Variants in SH3GL2 observed in about 807,000 individuals in gnomAD.
The protein encoded by SH3GL2 is SH3 domain containing GRB2 like 2, endophilin A1.
In SH3GL2, 24 loss-of-function variants were observed where a neutral mutation model predicts 46.0. The observed-to-expected ratio is 0.52, with a 90% confidence interval of 0.38 to 0.73. SH3GL2 has a LOEUF of 0.73. SH3GL2 is among the 30% of genes least tolerant of loss of function. The pLI is 0.00. For synonymous variants in SH3GL2, 196 were observed against 147.1 expected (o/e 1.33, Z -2.40); for missense variants, 413 against 424.2 (o/e 0.97, Z 0.23).
intron 1 of SH3GL2, among the ~76,000 whole-genome samples, chr9:17,696,304 G>C (rs1056112879): frequency 2.6e-5 from 4 of 152,000 alleles, no homozygotes; most frequent in African/African-American, 9.7e-5. Context: ...TTATGTTTGT[G>C]CCTTGAAGCT....
chr9:17,671,633 T>TA (rs371235153), intron 1 of SH3GL2, among the ~76,000 whole-genome samples: 1 of 151,724 alleles, frequency 6.6e-6, no homozygotes, highest in African/African-American at 2.4e-5. Context: ...CCTACAAAAC[T>TA]AAAAAAAATT....
rs371526182 is a variant in SH3GL2 at position 17,746,554 on chromosome 9, A to G, written c.46-512A>G. On this transcript the variant is annotated intron_variant, in intron 1 of 8. Coordinates refer to ENST00000380607, the MANE Select transcript of SH3GL2 (RefSeq NM_003026.5). ...TGTAGACAGCTTTATGAGACAGACT[A>G]TACTATACAAGTACTTTTGTCTGAA... 1.7e-4 allele frequency among the ~76,000 whole-genome samples: 26 copies of G among 152,346 alleles called. No individual in the cohort carries two copies. The East Asian group carries it at 5.0e-3, about 29-fold the overall frequency.
rs116805089 is a variant in SH3GL2, at chr9:17,623,220, G to C, written c.45+43933G>C. Among the ~76,000 whole-genome samples the C allele has an allele frequency of 1.1e-3, 165 of 152,128 alleles. 1 individual carries two copies. The highest frequency in any genetic ancestry group is 3.5e-3 in the African/African-American group (145 of 41,466). ...AGTGGTTAAGGGTGAGGGATGAGAA[G>C]TTAGTCTCTGGTGTCTAAGGTCCCT... On this transcript the variant is annotated intron_variant, in intron 1 of 8. Coordinates refer to ENST00000380607, the MANE Select transcript of SH3GL2 (RefSeq NM_003026.5).
chr9:17,787,722 T>C (rs2131187658), intron 5 of SH3GL2, among the ~76,000 whole-genome samples: 1 of 152,298 alleles, frequency 6.6e-6, no homozygotes. Context: ...ATGAGGGCTG[T>C]CTCTGGCTTC....
chr9:17,589,464 G>A (rs1818441379), intron 1 of SH3GL2: 1 of 151,860 alleles, frequency 6.6e-6, no homozygotes, highest in African/African-American at 2.4e-5. Context: ...TTTTTTAACA[G>A]TGGCACCGTT....
chr9:17,692,946 C>T (rs1821119171), intron 1 of SH3GL2, among the ~76,000 whole-genome samples: 1 of 152,070 alleles, frequency 6.6e-6, no homozygotes, highest in African/African-American at 2.4e-5. Context: ...GAGACTTATT[C>T]ACTATCATGA....
chr9:17,783,964 A>G (rs1451350769), intron 3 of SH3GL2, among the ~76,000 whole-genome samples: 1 of 152,174 alleles, frequency 6.6e-6, no homozygotes, highest in African/African-American at 2.4e-5. Context: ...GCTTCAAACA[A>G]TCATTTAAAG....
chr9:17,708,634 A>C (rs529675863), intron 1 of SH3GL2, among the ~76,000 whole-genome samples: 24 of 151,978 alleles, frequency 1.6e-4, no homozygotes, highest in Non-Finnish European at 3.4e-4. Flanking sequence ...TAGTGGCTTT[A>C]AGTAAAGACC....
rs146902227 is a variant in SH3GL2, at chr9:17,738,575, T to TATATATAGAG, written c.46-8490_46-8489insTATATAGAGA. 2.0e-4 allele frequency among the ~76,000 whole-genome samples: 22 copies of TATATATAGAG among 108,260 alleles called. 2 individuals carry two copies. The highest frequency in any genetic ancestry group is 6.8e-4 in the African/African-American group (22 of 32,206). The allele number at this position is 108,260 out of a possible 152,430, so 71.0% of individuals were successfully genotyped here. ...GTGTGTATATACATACATATATATA[T>TATATATAGAG]AGAGAGAGAGAGAGAGAGAATTTTA... On this transcript the variant is annotated intron_variant, in intron 1 of 8. Coordinates refer to ENST00000380607, the MANE Select transcript of SH3GL2 (RefSeq NM_003026.5).
At chr9:17,616,416 A>C (rs1029798357) in intron 1 of SH3GL2, among the ~76,000 whole-genome samples, 4 of 152,266 alleles carry the variant, frequency 2.6e-5, no homozygotes, top group Middle Eastern at 3.4e-3. Flanking sequence ...AAAAAATTAA[A>C]ATCAACAAGG....
chr9:17,680,320 C>T (rs1489201964), intron 1 of SH3GL2, among the ~76,000 whole-genome samples: 2 of 152,126 alleles, frequency 1.3e-5, no homozygotes, highest in African/African-American at 2.4e-5. Context: ...TGCTATTAGT[C>T]TGTTCAGGGA....
intron 1 of SH3GL2, among the ~76,000 whole-genome samples, chr9:17,698,831 C>T (rs890681094): frequency 6.6e-6 from 1 of 152,066 alleles, no homozygotes; most frequent in East Asian, 1.9e-4. Flanking sequence ...TTTGTTCTTT[C>T]CCTAAAGATA....
intron 7 of SH3GL2, 25 bp downstream of exon 7, chr9:17,791,359 A>G (rs1563856323): frequency 7.1e-7 from 1 of 1,415,932 alleles, no homozygotes; most frequent in East Asian, 2.3e-5. Flanking sequence ...CCTGCATTTC[A>G]CATTTGCATT....
chr9:17,624,593 C>G (rs956679753), intron 1 of SH3GL2, among the ~76,000 whole-genome samples: 1 of 152,158 alleles, frequency 6.6e-6, no homozygotes, highest in Non-Finnish European at 1.5e-5. Flanking sequence ...TACCACTGTA[C>G]TCAATTTGAG....
chr9:17,711,569 T>C (rs887685466), intron 1 of SH3GL2, among the ~76,000 whole-genome samples: 2 of 151,832 alleles, frequency 1.3e-5, no homozygotes, highest in Non-Finnish European at 2.9e-5. Flanking sequence ...TCATATAATA[T>C]TGTATTCCTT....
At chr9:17,600,050 A>G (rs1389975238) in intron 1 of SH3GL2, among the ~76,000 whole-genome samples, 1 of 151,918 alleles carries the variant, frequency 6.6e-6, no homozygotes, top group South Asian at 2.1e-4. Context: ...GCTCCTATAC[A>G]TGCTCTTCCT....
intron 1 of SH3GL2, among the ~76,000 whole-genome samples, chr9:17,594,936 G>A (rs1052735737): frequency 2.0e-5 from 3 of 152,078 alleles, no homozygotes; most frequent in African/African-American, 7.2e-5. Context: ...ATACATCACC[G>A]ATTTCTAAAA....
Position 17,603,880 on chromosome 9 carries a change from C to G in SH3GL2, c.45+24593C>G, listed in dbSNP as rs142721915. 1.8e-3 allele frequency among the ~76,000 whole-genome samples: 273 copies of G among 152,196 alleles called. 3 individuals are homozygous for G. Among genetic ancestry groups the G allele is most frequent in the African/African-American group, 6.3e-3 (263 of 41,518 alleles). On this transcript the variant is annotated intron_variant, in intron 1 of 8. Transcript: ENST00000380607. ...AACTCCGTGTCAAAAAAGAAACAAACAAAAGCAACCATGAATAAACTTATG... is the reference window on the plus strand; with the variant it reads ...AACTCCGTGTCAAAAAAGAAACAAAGAAAAGCAACCATGAATAAACTTATG...
chr9:17,640,793 G>A (rs1819661825), intron 1 of SH3GL2, among the ~76,000 whole-genome samples: 1 of 152,182 alleles, frequency 6.6e-6, no homozygotes, highest in Non-Finnish European at 1.5e-5. Context: ...CCTTGAAATG[G>A]AGACTGTATT....
Sources: gnomAD v4.1 joint callset for allele counts (sites outside exome capture counted in the v4.1 genomes callset) on GRCh38, gnomAD v4.1.1 for gene constraint, MANE v1.5 for transcripts, NCBI Gene and HGNC (gene_info 2026-07-23, HGNC 2026-07-21) for gene names.